Variants in RARB observed in about 807,000 individuals in gnomAD.
RARB encodes the protein retinoic acid receptor beta, also known as HBV-activated protein.
A neutral mutation model predicts 51.9 loss-of-function variants in RARB; 17 were observed. That is an observed-to-expected ratio of 0.33 (90% CI 0.22 to 0.49). The LOEUF (loss-of-function observed/expected upper bound fraction) is 0.49. RARB is among the 20% of genes least tolerant of loss of function. RARB has a pLI of 0.99. For missense variants in RARB, 369 were observed against 550.8 expected, an observed-to-expected ratio of 0.67 and a Z score of 3.30; for synonymous variants, 215 against 195.4, an observed-to-expected ratio of 1.10 and a Z score of -0.84.
intron 5 of RARB, among the ~76,000 whole-genome samples, chr3:25,174,772 C>T (rs1187826041): frequency 6.6e-6 from 1 of 152,134 alleles, no homozygotes; most frequent in African/African-American, 2.4e-5. Context: ...AGAATTCAAC[C>T]CGTTCAAAGC....
intron 3 of RARB, among the ~76,000 whole-genome samples, chr3:25,563,630 G>A (rs1401334971): frequency 2.0e-5 from 3 of 152,164 alleles, no homozygotes; most frequent in African/African-American, 7.2e-5. Context: ...AGATCCACCT[G>A]CCTTCAGATC....
chr3:25,028,327 C>A (rs1407973150), intron 2 of RARB, among the ~76,000 whole-genome samples: 1 of 152,172 alleles, frequency 6.6e-6, no homozygotes, highest in Non-Finnish European at 1.5e-5. Context: ...AGAAAACAGG[C>A]AGGAGTCAGG....
At chr3:25,148,230 G>A (rs927044905) in intron 4 of RARB, among the ~76,000 whole-genome samples, 8 of 150,682 alleles carry the variant, frequency 5.3e-5, no homozygotes, top group African/African-American at 9.7e-5. Context: ...AATCAGGGGG[G>A]CATTTTGCTG....
intron 2 of RARB, chr3:25,025,259 A>C (rs1697723393): frequency 6.6e-6 from 1 of 152,222 alleles, no homozygotes; most frequent in South Asian, 2.1e-4. Context: ...AATGTCATTC[A>C]GGTGATAGCA....
chr3:24,931,928 T>C (rs897144079), intron 2 of RARB, among the ~76,000 whole-genome samples: 2 of 152,098 alleles, frequency 1.3e-5, no homozygotes, highest in Non-Finnish European at 2.9e-5. Context: ...GTGGTGACTA[T>C]GCAGCCTGTT....
At chr3:25,345,219 AGGTTTTTTGGTTTG>A (rs1705352762) in intron 5 of RARB, among the ~76,000 whole-genome samples, 1 of 152,086 alleles carries the variant, frequency 6.6e-6, no homozygotes, top group African/African-American at 2.4e-5. Context: ...TAACCTCTGG[AGGTTTTTTGGTTTG>A]GGTTTTTTGT....
intron 5 of RARB, among the ~76,000 whole-genome samples, chr3:25,263,032 G>C (rs1340196137): frequency 1.3e-5 from 2 of 152,120 alleles, no homozygotes. Context: ...CAAATGTCTA[G>C]TGATAACCTG....
chr3:24,884,997 C>A (rs1017330829), intron 2 of RARB, among the ~76,000 whole-genome samples: 2 of 152,098 alleles, frequency 1.3e-5, no homozygotes, highest in Non-Finnish European at 2.9e-5. Flanking sequence ...GGTGGCAGAA[C>A]GTAATGACTC....
At chr3:25,200,623 G>A (rs573712265) in intron 5 of RARB, among the ~76,000 whole-genome samples, 2 of 152,210 alleles carry the variant, frequency 1.3e-5, no homozygotes, top group South Asian at 2.1e-4. Context: ...TTTGTACAAG[G>A]TGTAAGGAAG....
chr3:25,306,711 A>G (rs994127848), intron 5 of RARB, among the ~76,000 whole-genome samples: 6 of 152,112 alleles, frequency 3.9e-5, no homozygotes, highest in African/African-American at 1.4e-4. Flanking sequence ...ATTCTGGGGG[A>G]AAAAAAGCTG....
Position 25,428,839 on chromosome 3 carries a change from C to T in RARB, c.108C>T (p.Cys36=), listed in dbSNP as rs909529483. The part of the protein sequence containing the change: ...CMLQEKALKA[C]FSGLTQTEWQ... The stretch of plus-strand genomic sequence containing the variant: ...TCCAGGAGAAAGCTCTCAAAGCATG[C>T]TTCAGTGGATTGACCCAAACCGAAT... Residue 36 remains cysteine (C), a synonymous_variant, in exon 1 of 8, where the codon TGC becomes TGT. Coordinates refer to ENST00000330688, the MANE Select transcript of RARB (RefSeq NM_000965.5). 1.2e-6 allele frequency: 2 copies of T among 1,613,970 alleles called. No homozygotes were observed. Among genetic ancestry groups the T allele is most frequent in the South Asian group, 2.2e-5 (2 of 91,080 alleles).
intron 2 of RARB, among the ~76,000 whole-genome samples, chr3:24,930,202 C>A (rs576034176): frequency 6.6e-6 from 1 of 152,088 alleles, no homozygotes; most frequent in African/African-American, 2.4e-5. Context: ...AAAATTAATA[C>A]AACAGCTGTC....
At chr3:25,102,550 G>A (rs9861541) in intron 3 of RARB, among the ~76,000 whole-genome samples, 20,469 of 151,608 alleles carry the variant, frequency 0.14, 2,009 homozygotes, top group African/African-American at 0.27. Context: ...AAAAAAAAAT[G>A]AAAATAGAAA....
chr3:25,002,330 T>C (rs925525828), intron 2 of RARB, among the ~76,000 whole-genome samples: 5 of 152,132 alleles, frequency 3.3e-5, no homozygotes, highest in Non-Finnish European at 7.4e-5. Flanking sequence ...ACCCTGTAGA[T>C]ATTTATTCTT....
At chr3:24,947,263 A>T (rs1185233459) in intron 2 of RARB, among the ~76,000 whole-genome samples, 1 of 152,256 alleles carries the variant, frequency 6.6e-6, no homozygotes, top group Non-Finnish European at 1.5e-5. Context: ...GGGAAAAGTC[A>T]TACGTGAACC....
intron 3 of RARB, among the ~76,000 whole-genome samples, chr3:25,508,672 C>A (rs1401044476): frequency 6.6e-6 from 1 of 152,172 alleles, no homozygotes; most frequent in Non-Finnish European, 1.5e-5. Context: ...CCAGGGTTCA[C>A]TGTGATCATT....
chr3:25,512,101 A>G (rs1309508280), intron 3 of RARB, among the ~76,000 whole-genome samples: 2 of 152,164 alleles, frequency 1.3e-5, no homozygotes, highest in African/African-American at 4.8e-5. Flanking sequence ...TCATGTGGCT[A>G]TTGTGAGAAG....
intron 4 of RARB, among the ~76,000 whole-genome samples, chr3:25,136,273 T>G (rs1167917840): frequency 6.6e-6 from 1 of 152,038 alleles, no homozygotes; most frequent in African/African-American, 2.4e-5. Flanking sequence ...ATTGCGTGAT[T>G]AATACTTATA....
chr3:25,576,910 C>T (rs1015700116), intron 4 of RARB, among the ~76,000 whole-genome samples: 5 of 152,324 alleles, frequency 3.3e-5, no homozygotes, highest in African/African-American at 1.2e-4. Flanking sequence ...GTTCCCGAAG[C>T]CATGCTCTCA....
Sources: gnomAD v4.1 joint callset for allele counts (sites outside exome capture counted in the v4.1 genomes callset) on GRCh38, gnomAD v4.1.1 for gene constraint, MANE v1.5 for transcripts, NCBI Gene and HGNC (gene_info 2026-07-23, HGNC 2026-07-21) for gene names.